Variants in PLEKHB2 observed in about 807,000 individuals in gnomAD.
The protein encoded by PLEKHB2 is pleckstrin homology domain-containing family B member 2.
In PLEKHB2, 31 loss-of-function variants were observed where a neutral mutation model predicts 36.5. The observed-to-expected ratio is 0.85, with a 90% confidence interval of 0.64 to 1.15. The LOEUF is 1.15. Ranked by LOEUF, PLEKHB2 falls within the 50% of genes most tolerant of loss-of-function variation. PLEKHB2 has a pLI of 0.00. For missense variants in PLEKHB2, 262 were observed against 295.3 expected (o/e 0.89, Z 0.83); for synonymous variants, 119 against 112.0 (o/e 1.06, Z -0.39).
intron 1 of PLEKHB2, among the ~76,000 whole-genome samples, chr2:131,108,864 A>G (rs1694993748): frequency 1.3e-5 from 2 of 152,240 alleles, no homozygotes; most frequent in South Asian, 2.1e-4. Flanking sequence ...CACCATGCCA[A>G]CTACTTACAT....
At chr2:131,133,202 C>T (rs1022135245) in intron 6 of PLEKHB2, among the ~76,000 whole-genome samples, 2 of 152,142 alleles carry the variant, frequency 1.3e-5, no homozygotes, top group Non-Finnish European at 2.9e-5. Context: ...ATGTGTAACA[C>T]GTTTTTAAGA....
intron 6 of PLEKHB2, among the ~76,000 whole-genome samples, chr2:131,136,840 C>T: frequency 6.6e-6 from 1 of 151,514 alleles, no homozygotes; most frequent in East Asian, 1.9e-4. Flanking sequence ...ATTAATTCTT[C>T]TTTAAAATTT....
At chr2:131,139,228 C>T (rs963127284) in intron 6 of PLEKHB2, among the ~76,000 whole-genome samples, 2 of 152,064 alleles carry the variant, frequency 1.3e-5, no homozygotes, top group Admixed American at 6.5e-5. Flanking sequence ...ATGTGTGAAG[C>T]AAAAAGGAAA....
chr2:131,127,526 A>G (rs1161964819), intron 4 of PLEKHB2, among the ~76,000 whole-genome samples: 4 of 152,234 alleles, frequency 2.6e-5, no homozygotes, highest in Non-Finnish European at 5.9e-5. Context: ...ACTGGGGATT[A>G]GGATTTATAC....
At chr2:131,120,880 C>A in intron 1 of PLEKHB2, 54 bp from the exon 2 acceptor site, 2 of 1,554,814 alleles carry the variant, frequency 1.3e-6, no homozygotes, top group Non-Finnish European at 1.8e-6. Flanking sequence ...TCGGGCCGGA[C>A]AGGCTATTCT....
chr2:131,122,657 A>T (rs1013723126), intron 2 of PLEKHB2, among the ~76,000 whole-genome samples: 8 of 152,292 alleles, frequency 5.3e-5, no homozygotes, highest in Admixed American at 5.2e-4. Flanking sequence ...CAAAGTCAGG[A>T]CTGTGTGATT....
intron 2 of PLEKHB2, 133 bp from the exon 3 acceptor site, chr2:131,125,620 G>T: frequency 1.5e-6 from 1 of 664,512 alleles, no homozygotes. Flanking sequence ...TGGGAGGATT[G>T]CTTGAGCCCA....
rs893569537 is a variant in PLEKHB2, at chr2:131,136,375, A to AT, written c.423+3396dup. On this transcript the variant is annotated intron_variant, in intron 6 of 7. Transcript: ENST00000693505. ...CCTGAGCCACCATGGCTGCAAAAAA[A>AT]TTTTTTTTTTTTGTTGTAGAGACAG... 6.3e-3 allele frequency among the ~76,000 whole-genome samples: 931 copies of AT among 148,300 alleles called. 33 individuals carry two copies. Among genetic ancestry groups the AT allele is most frequent in the African/African-American group, 0.023 (892 of 39,586 alleles).
chr2:131,136,446 A>G (rs1025170075), intron 6 of PLEKHB2, among the ~76,000 whole-genome samples: 1 of 151,384 alleles, frequency 6.6e-6, no homozygotes, highest in South Asian at 2.1e-4. Context: ...CTGGCCTCAA[A>G]CAATCCTCCT....
At chr2:131,121,526 C>T (rs1220114213) in intron 2 of PLEKHB2, among the ~76,000 whole-genome samples, 3 of 152,118 alleles carry the variant, frequency 2.0e-5, no homozygotes, top group South Asian at 2.1e-4. Flanking sequence ...GGATTACAAG[C>T]GTGAGCCACC....
intron 7 of PLEKHB2, among the ~76,000 whole-genome samples, chr2:131,141,976 G>A (rs1218812630): frequency 6.6e-6 from 1 of 152,152 alleles, no homozygotes; most frequent in African/African-American, 2.4e-5. Flanking sequence ...TTCAGTTCAT[G>A]GCCCATGGGT....
In PLEKHB2 at chr2:131,146,902, T is replaced by C; in HGVS notation, c.*129T>C. ...AATCATTCCTTTGAAAGTAGTGATG[T>C]CATAATTGTACTAATCCACATAAGT... On this transcript the variant is annotated 3_prime_UTR_variant, in exon 8 of 8. Coordinates refer to ENST00000693505, the MANE Select transcript of PLEKHB2 (RefSeq NM_001100623.2). The C allele has an allele frequency of 3.8e-6, 3 of 785,736 alleles. No individual in the cohort carries two copies. Among genetic ancestry groups the C allele is most frequent in the Non-Finnish European group, 6.0e-6 (3 of 498,536 alleles). 48.7% of individuals were successfully genotyped at this position (785,736 alleles called of 1,614,324 possible). A position where few individuals can be genotyped will look rare whatever the true frequency, so the allele number is the denominator to read the frequency against.
chr2:131,121,901 A>G (rs892468206), intron 2 of PLEKHB2, among the ~76,000 whole-genome samples: 2 of 148,644 alleles, frequency 1.3e-5, no homozygotes, highest in Admixed American at 6.6e-5. Context: ...ACTGTGTTTT[A>G]TTTTTATTTA....
intron 4 of PLEKHB2, among the ~76,000 whole-genome samples, chr2:131,129,650 A>G (rs1697462325): frequency 1.2e-5 from 1 of 84,166 alleles, no homozygotes. Context: ...AATTACAGGC[A>G]TGTGCCACCA....
intron 6 of PLEKHB2, among the ~76,000 whole-genome samples, chr2:131,135,135 G>A (rs536698309): frequency 3.9e-4 from 60 of 151,948 alleles, no homozygotes; most frequent in African/African-American, 1.4e-3. Flanking sequence ...GCAGTGGCGC[G>A]ATCTTGGCTG....
intron 1 of PLEKHB2, among the ~76,000 whole-genome samples, chr2:131,105,844 C>A (rs1694660796): frequency 6.6e-6 from 1 of 152,200 alleles, no homozygotes; most frequent in Non-Finnish European, 1.5e-5. Flanking sequence ...CCTGCTGCGG[C>A]CCGCCGCCTG....
At chr2:131,143,553 G>A (rs1698990700) in intron 7 of PLEKHB2, among the ~76,000 whole-genome samples, 1 of 152,172 alleles carries the variant, frequency 6.6e-6, no homozygotes, top group African/African-American at 2.4e-5. Flanking sequence ...ATCCCAGAAT[G>A]GTTTACCAAC....
chr2:131,126,017 TC>T, intron 3 of PLEKHB2, 112 bp downstream of exon 3: 1 of 1,089,258 alleles, frequency 9.2e-7, no homozygotes, highest in Non-Finnish European at 1.3e-6. Flanking sequence ...GAAGAAGGGC[TC>T]CATCTCAGAG....
At position 131,105,374 on chromosome 2, in the gene PLEKHB2, T is replaced by A. The variant is rs1050269667; in HGVS notation, c.-33T>A. 3.9e-5 allele frequency: 6 copies of A among 152,364 alleles called. No individual in the cohort carries two copies. The East Asian group carries it at 9.7e-4, about 25-fold the overall frequency. 9.4% of individuals were successfully genotyped at this position (152,364 alleles called of 1,614,324 possible). A position where few individuals can be genotyped will look rare whatever the true frequency, so the allele number is the denominator to read the frequency against. On this transcript the variant is annotated 5_prime_UTR_variant, in exon 1 of 8. Coordinates refer to ENST00000693505, the MANE Select transcript of PLEKHB2 (RefSeq NM_001100623.2). Reference sequence around the variant, plus strand: ...CAGGCGAGGAATCGCCGTGGCGTCTTGGTGTTCTCCACGCTGGTTCGCAGG... The same window carrying A: ...CAGGCGAGGAATCGCCGTGGCGTCTAGGTGTTCTCCACGCTGGTTCGCAGG...
Sources: allele counts gnomAD v4.1 joint callset (sites outside exome capture counted in the v4.1 genomes callset), GRCh38; gene constraint gnomAD v4.1.1; transcripts MANE v1.5; gene names NCBI Gene and HGNC (gene_info 2026-07-23, HGNC 2026-07-21).